The following UBAP2 variants were observed in gnomAD, a reference collection of about 807,000 sequenced individuals.
UBAP2 encodes ubiquitin associated protein 2, also known as ubiquitin-associated protein 2.
UBAP2 carries 75 observed loss-of-function variants against 139.6 expected under a neutral mutation model. The observed-to-expected ratio is 0.54, with a 90% confidence interval of 0.45 to 0.65. The LOEUF is 0.65. UBAP2 is among the 30% of genes least tolerant of loss of function. The pLI is 0.00. For synonymous variants in UBAP2, 526 were observed against 526.2 expected (o/e 1.00, Z 0.01); for missense variants, 1,368 against 1,369.6 (o/e 1.00, Z 0.02).
intron 1 of UBAP2, among the ~76,000 whole-genome samples, chr9:34,035,514 A>AAAAAAAATATATATATATATATAT: frequency 4.4e-5 from 1 of 22,488 alleles, no homozygotes; most frequent in Non-Finnish European, 9.8e-5. Flanking sequence ...AAAAAAAAAA[A>AAAAAAAATATATATATATATATAT]ATATATATAT....
At chr9:34,046,383 C>T (rs535613280) in intron 1 of UBAP2, among the ~76,000 whole-genome samples, 160 of 151,722 alleles carry the variant, frequency 1.1e-3, no homozygotes, top group Non-Finnish European at 1.8e-3. Flanking sequence ...GGCGGGGTGG[C>T]TCACGCCTGC....
At chr9:33,987,755 T>A (rs1821341094) in intron 5 of UBAP2, among the ~76,000 whole-genome samples, 1 of 152,262 alleles carries the variant, frequency 6.6e-6, no homozygotes, top group South Asian at 2.1e-4. Context: ...ACTTCCATTA[T>A]GCAACTACGT....
intron 4 of UBAP2, among the ~76,000 whole-genome samples, chr9:33,992,765 T>C (rs558339845): frequency 3.8e-4 from 58 of 152,116 alleles, no homozygotes; most frequent in Non-Finnish European, 7.8e-4. Context: ...CTGCAAAGTA[T>C]ACACACATGC....
At chr9:34,040,201 G>A (rs546943738) in intron 1 of UBAP2, among the ~76,000 whole-genome samples, 20 of 151,398 alleles carry the variant, frequency 1.3e-4, no homozygotes, top group African/African-American at 4.8e-4. Context: ...GCACGTGCCT[G>A]TAGTCCCAGC....
Position 33,941,687 on chromosome 9 carries a change from G to A in UBAP2, c.1891C>T (p.Pro631Ser), listed in dbSNP as rs1217947719. 2 of 1,613,980 alleles carry A rather than the reference G, an allele frequency of 1.2e-6. No individual in the cohort carries two copies. Among genetic ancestry groups the A allele is most frequent in the Non-Finnish European group, 1.7e-6 (2 of 1,180,026 alleles). Residue 631 changes from proline to serine, a missense_variant, in exon 16 of 29, where the codon CCT (proline) becomes TCT (serine). Pro to Ser is a moderately conservative substitution (Grantham distance 74, BLOSUM62 -1). Coordinates refer to ENST00000379238, the MANE Select transcript of UBAP2 (RefSeq NM_001370062.2). Reference protein sequence around the residue: ...SVHNRIPYQSPVSSSESAPGT... With the variant: ...SVHNRIPYQSSVSSSESAPGT... ...GGAGCTGACTCTGATGAACTCACAG[G>A]GCTTTGGTATGGGATCCTGTTATGC...
At chr9:33,926,532 G>A in intron 22 of UBAP2, 85 bp downstream of exon 22, 1 of 1,475,380 alleles carries the variant, frequency 6.8e-7, no homozygotes. Flanking sequence ...CTAAGGGCCA[G>A]AGAGTGTGGC....
At chr9:34,037,277 C>A (rs1481922711) in intron 1 of UBAP2, among the ~76,000 whole-genome samples, 1 of 151,996 alleles carries the variant, frequency 6.6e-6, no homozygotes, top group Admixed American at 6.6e-5. Context: ...CGTGAGCCAC[C>A]GCGCCCAGCC....
intron 1 of UBAP2, among the ~76,000 whole-genome samples, chr9:34,037,190 G>A (rs1158213623): frequency 2.0e-5 from 3 of 151,920 alleles, no homozygotes; most frequent in South Asian, 2.1e-4. Context: ...GGGTTTCACC[G>A]TTTTAGCCAG....
intron 2 of UBAP2, among the ~76,000 whole-genome samples, chr9:33,999,687 G>GC (rs1245919130): frequency 6.6e-6 from 1 of 151,642 alleles, no homozygotes; most frequent in East Asian, 1.9e-4. Flanking sequence ...CTGAGCCACT[G>GC]CATCTGGCAA....
chr9:33,926,832 G>A (rs996487922), intron 21 of UBAP2, among the ~76,000 whole-genome samples, 157 bp downstream of exon 21: 2 of 152,208 alleles, frequency 1.3e-5, no homozygotes, highest in African/African-American at 4.8e-5. Flanking sequence ...CTAGATGGAA[G>A]AAGACCACCA....
chr9:33,936,959 G>T (rs190887557), intron 16 of UBAP2, among the ~76,000 whole-genome samples: 69 of 129,602 alleles, frequency 5.3e-4, no homozygotes, highest in African/African-American at 1.7e-3. Context: ...AAAACAGTCT[G>T]AATAGCCCTC....
intron 1 of UBAP2, among the ~76,000 whole-genome samples, chr9:34,020,374 G>A (rs987881121): frequency 2.0e-5 from 3 of 151,516 alleles, no homozygotes; most frequent in African/African-American, 7.3e-5. Flanking sequence ...AGGCTGGAGT[G>A]CAACGAATAG....
chr9:34,013,578 G>A (rs1054091406), intron 2 of UBAP2, among the ~76,000 whole-genome samples: 1 of 151,742 alleles, frequency 6.6e-6, no homozygotes, highest in African/African-American at 2.4e-5. Context: ...TTAAAATTGA[G>A]TAATTAACAT....
Position 33,923,440 on chromosome 9 carries a change from G to A in UBAP2, c.2835C>T (p.Leu945=). 1 of 1,614,144 alleles carries A rather than the reference G, an allele frequency of 6.2e-7. No individual in the cohort carries two copies. Among genetic ancestry groups the A allele is most frequent in the Non-Finnish European group, 8.5e-7 (1 of 1,180,022 alleles). The change falls in exon 25 of 29, where the codon CTC becomes CTT. Residue 945 remains leucine (L), a synonymous_variant. Coordinates refer to ENST00000379238, the MANE Select transcript of UBAP2 (RefSeq NM_001370062.2). ...PASAKQHGVN[L]STPTPPFQQA... ...GCTGGAAGGGAGGTGTGGGAGTGCT[G>A]AGGTTCACCCCATGTTGCTTGGCTG...
intron 8 of UBAP2, among the ~76,000 whole-genome samples, chr9:33,970,984 G>C (rs1261405738): frequency 3.3e-5 from 5 of 151,736 alleles, no homozygotes; most frequent in Non-Finnish European, 7.4e-5. Context: ...TTGTATTTTT[G>C]TAGAGACAGG....
intron 9 of UBAP2, 73 bp downstream of exon 9, chr9:33,963,653 T>C: frequency 1.1e-6 from 1 of 896,322 alleles, no homozygotes; most frequent in South Asian, 1.6e-5. Context: ...CTAGCTTTGA[T>C]AAAAAATGAA....
In UBAP2 at chr9:33,961,210, G is replaced by A. The variant is rs541010932; in HGVS notation, c.746-332C>T. Among the ~76,000 whole-genome samples, 20 of 152,296 alleles carry A rather than the reference G, an allele frequency of 1.3e-4. 1 individual carries two copies. The highest frequency in any genetic ancestry group is 3.4e-3 in the Middle Eastern group (1 of 294). On this transcript the variant is annotated intron_variant, in intron 9 of 28. Coordinates refer to ENST00000379238, the MANE Select transcript of UBAP2 (RefSeq NM_001370062.2). ...TGCCATGAGTAAGAAAAGTATGGAT[G>A]TAGCACAAATATAGACATTTAACAA...
intron 15 of UBAP2, 64 bp from the exon 16 acceptor site, chr9:33,941,926 A>C: frequency 8.4e-7 from 1 of 1,193,360 alleles, no homozygotes; most frequent in Non-Finnish European, 1.2e-6. Context: ...AAAAAAAAAA[A>C]AACATAAACA....
intron 15 of UBAP2, 144 bp from the exon 16 acceptor site, chr9:33,942,006 TA>T (rs1455774881): frequency 4.1e-5 from 26 of 627,796 alleles, no homozygotes; most frequent in African/African-American, 3.1e-4. Context: ...AACTGAGAGA[TA>T]GGGGGACATC....
Sources: allele counts gnomAD v4.1 joint callset (sites outside exome capture counted in the v4.1 genomes callset), GRCh38; gene constraint gnomAD v4.1.1; transcripts MANE v1.5; gene names NCBI Gene and HGNC (gene_info 2026-07-23, HGNC 2026-07-21).